Variants in MYOM1 observed in about 807,000 individuals in gnomAD.
The protein encoded by MYOM1 is myomesin 1, also known as myomesin-1.
MYOM1 carries 164 observed loss-of-function variants against 205.3 expected under a neutral mutation model. That is an observed-to-expected ratio of 0.80 (90% CI 0.70 to 0.91). The LOEUF (loss-of-function observed/expected upper bound fraction) is 0.91, where lower values mean the gene tolerates loss of function less well. Among genes scored for constraint, MYOM1 ranks in the 40% least tolerant of loss-of-function variants. MYOM1 has a pLI of 0.00. For synonymous variants in MYOM1, 772 were observed against 789.4 expected (o/e 0.98, Z 0.37); for missense variants, 2,011 against 2,127.3 (o/e 0.95, Z 1.08).
Position 3,129,296 on chromosome 18 carries a change from T to G in MYOM1, c.2730A>C (p.Pro910=), listed in dbSNP as rs766342011. 6.2e-7 allele frequency: 1 copy of G among 1,614,018 alleles called. No homozygotes were observed. Among genetic ancestry groups the G allele is most frequent in the South Asian group, 1.1e-5 (1 of 91,090 alleles). ...SETVQEELTP[P]PQKAAPQGKS... Reference sequence around the variant, plus strand: ...TCCCCTGAGGAGCCGCTTTCTGTGGTGGCGGGGTAAGCTCTTCCTGAACTG... The same window carrying G: ...TCCCCTGAGGAGCCGCTTTCTGTGGGGGCGGGGTAAGCTCTTCCTGAACTG... Residue 910 remains proline (P), a synonymous_variant, in exon 18 of 38, where the codon CCA becomes CCC. Transcript: ENST00000356443.
chr18:3,085,917 T>C (rs1422799067), intron 30 of MYOM1, 121 bp downstream of exon 30: 2 of 615,412 alleles, frequency 3.2e-6, no homozygotes, highest in African/African-American at 3.7e-5. Context: ...CCTACAGCAG[T>C]TGGAAGTAAG....
chr18:3,165,944 A>C (rs1270735668), intron 9 of MYOM1, among the ~76,000 whole-genome samples: 1 of 152,190 alleles, frequency 6.6e-6, no homozygotes, highest in Non-Finnish European at 1.5e-5. Flanking sequence ...TCATGTGCAC[A>C]ACTGAAGACC....
chr18:3,135,527 A>T lies in MYOM1; in HGVS notation c.2209+20T>A. ...CTTTGAAATTTTCTCTTGAAGTAAA[A>T]GAAGTTTACAGTTGCTTACCAAGTT... On this transcript the variant is annotated intron_variant, in intron 15 of 37. Transcript: ENST00000356443. The surrounding 1 kb of genome is among the most constrained non-coding windows in gnomAD (Gnocchi z 4.1). The T allele has an allele frequency of 6.2e-7, 1 of 1,604,022 alleles. No homozygotes were observed. Among genetic ancestry groups the T allele is most frequent in the South Asian group, 1.1e-5 (1 of 89,988 alleles).
At chr18:3,159,301 A>G in intron 10 of MYOM1, among the ~76,000 whole-genome samples, 1 of 152,220 alleles carries the variant, frequency 6.6e-6, no homozygotes, top group East Asian at 1.9e-4. Context: ...CTGCAGACAT[A>G]TGGTGCTTTA....
chr18:3,207,470 T>C (rs558133449), intron 2 of MYOM1, among the ~76,000 whole-genome samples: 85 of 152,348 alleles, frequency 5.6e-4, no homozygotes, highest in African/African-American at 2.0e-3. Flanking sequence ...CAGGTCTTAT[T>C]AACTTATTTA....
intron 8 of MYOM1, among the ~76,000 whole-genome samples, chr18:3,172,804 C>T (rs577728057): frequency 6.6e-6 from 1 of 152,352 alleles, no homozygotes; most frequent in African/African-American, 2.4e-5. Context: ...AGCCACCGTG[C>T]CTGGCCCCAA....
At chr18:3,109,191 C>A (rs1228694566) in intron 22 of MYOM1, among the ~76,000 whole-genome samples, 2 of 151,792 alleles carry the variant, frequency 1.3e-5, no homozygotes, top group Non-Finnish European at 2.9e-5. Flanking sequence ...CCATGTTGGC[C>A]AGGCTAGTCT....
Position 3,179,069 on chromosome 18 carries a change from A to G in MYOM1, c.930-2935T>C, listed in dbSNP as rs2080691078. On this transcript the variant is annotated intron_variant, in intron 5 of 37. Coordinates refer to ENST00000356443, the MANE Select transcript of MYOM1 (RefSeq NM_003803.4). The surrounding 1 kb of genome is among the most constrained non-coding windows in gnomAD (Gnocchi z 4.4). Reference sequence around the variant, plus strand: ...TTTTTTGTAGAGACAGGCTCTTGCTATGTTGCCTATGCTGGTCTTAAACTC... The same window carrying G: ...TTTTTTGTAGAGACAGGCTCTTGCTGTGTTGCCTATGCTGGTCTTAAACTC... Among the ~76,000 whole-genome samples the G allele has an allele frequency of 6.6e-6, 1 of 151,922 alleles. No individual in the cohort carries two copies. The highest frequency in any genetic ancestry group is 1.5e-5 in the Non-Finnish European group (1 of 67,994).
upstream of MYOM1, among the ~76,000 whole-genome samples, chr18:3,222,981 C>T (rs1346333991): frequency 2.0e-5 from 3 of 152,102 alleles, no homozygotes; most frequent in African/African-American, 7.2e-5. Context: ...TCCTCAGCCT[C>T]AAGCAATTCT....
intron 20 of MYOM1, among the ~76,000 whole-genome samples, chr18:3,118,466 G>C (rs1275786839): frequency 3.9e-5 from 6 of 152,010 alleles, no homozygotes. Flanking sequence ...CTGAGTAGCT[G>C]GGACTACAGG....
In MYOM1 at chr18:3,100,331, A is replaced by G. The variant is rs2079359848; in HGVS notation, c.3671T>C (p.Ile1224Thr). Residue 1224 changes from isoleucine (I) to threonine (T), a missense_variant, in exon 24 of 38, where the codon ATA (isoleucine) becomes ACA (threonine). Transcript: ENST00000356443. ...GATTTTAAACTTACCTTCCTCATCT[A>G]TTAAGTAGCTTGATGCTATTCCATC... ...DTDGIASSYL[I>T]DEEELKRLLA... 2 of 1,613,670 alleles carry G rather than the reference A, an allele frequency of 1.2e-6. No individual in the cohort carries two copies. Among genetic ancestry groups the G allele is most frequent in the African/African-American group, 1.3e-5 (1 of 74,934 alleles).
Position 3,142,003 on chromosome 18 carries a change from A to G in MYOM1, c.1961T>C (p.Val654Ala). The change falls in exon 14 of 38, where the codon GTG (valine) becomes GCG (alanine). Residue 654 changes from valine to alanine, a missense_variant. Physicochemically the swap from Val to Ala is moderately conservative, Grantham distance 64. Transcript: ENST00000356443. ...LSVTEATRSYVVLSWKPPGQR... is the reference protein window; with the variant it reads ...LSVTEATRSYAVLSWKPPGQR... Reference sequence around the variant, plus strand: ...GCCAGGGGGCTTCCAGCTGAGCACCACATAGCTCCGGGTGGCCTCAGTGAC... The same window carrying G: ...GCCAGGGGGCTTCCAGCTGAGCACCGCATAGCTCCGGGTGGCCTCAGTGAC... 6.2e-7 allele frequency: 1 copy of G among 1,613,914 alleles called. No individual in the cohort carries two copies. The highest frequency in any genetic ancestry group is 8.5e-7 in the Non-Finnish European group (1 of 1,179,856).
intron 5 of MYOM1, among the ~76,000 whole-genome samples, chr18:3,182,897 C>T (rs187885504): frequency 1.6e-3 from 232 of 144,438 alleles, no homozygotes; most frequent in African/African-American, 5.6e-3. Context: ...TCCTCTGCAA[C>T]TAACTTTTCT....
At chr18:3,184,987 T>C (rs2080790557) in intron 5 of MYOM1, among the ~76,000 whole-genome samples, 1 of 152,268 alleles carries the variant, frequency 6.6e-6, no homozygotes, top group Admixed American at 6.5e-5. Flanking sequence ...TACTGCTTCT[T>C]AGCTCTGTTA....
rs552574667 is a variant in MYOM1 at position 3,152,153 on chromosome 18, A to G, written c.1644-260T>C. On this transcript the variant is annotated intron_variant, in intron 11 of 37. Transcript: ENST00000356443. This position sits in a 1 kb window ranked among gnomAD's most constrained non-coding sequence, Gnocchi z 4.3. The stretch of plus-strand genomic sequence containing the variant: ...GGCATCTGAGGGGCCTTGTGTAGAA[A>G]GCAGAGGGGTTTGGGGGTTGCTGGG... 1.3e-3 allele frequency among the ~76,000 whole-genome samples: 203 copies of G among 152,270 alleles called. 2 individuals are homozygous for G. The highest frequency in any genetic ancestry group is 4.6e-3 in the African/African-American group (192 of 41,550).
chr18:3,069,381 A>G (rs2078935456), intron 37 of MYOM1, among the ~76,000 whole-genome samples: 1 of 152,220 alleles, frequency 6.6e-6, no homozygotes, highest in Non-Finnish European at 1.5e-5. Context: ...GTGATAAGGA[A>G]AGAACTAGGG....
In MYOM1 at chr18:3,197,534, A is replaced by G. The variant is rs146872043; in HGVS notation, c.291-3576T>C. ...AATAGTCTAATTTTATGAAACATTC[A>G]ATCAATAGAAAAATACTAAAGACCA... On this transcript the variant is annotated intron_variant, in intron 2 of 37. Transcript: ENST00000356443. 4.3e-4 allele frequency among the ~76,000 whole-genome samples: 65 copies of G among 152,340 alleles called. 1 individual carries two copies. Among genetic ancestry groups the G allele is most frequent in the East Asian group, 3.9e-3 (20 of 5,184 alleles).
intron 2 of MYOM1, among the ~76,000 whole-genome samples, chr18:3,194,426 A>G (rs6506083): frequency 0.54 from 82,487 of 152,044 alleles, 23,596 homozygotes; most frequent in African/African-American, 0.74. Context: ...ATTATAGGCA[A>G]CTCCTGCCTT....
chr18:3,183,600 T>C (rs1319797743), intron 5 of MYOM1, among the ~76,000 whole-genome samples: 1 of 152,184 alleles, frequency 6.6e-6, no homozygotes. Flanking sequence ...ACATAACTGC[T>C]ATGAGTGGAG....
Sources: allele counts gnomAD v4.1 joint callset (sites outside exome capture counted in the v4.1 genomes callset), GRCh38; gene constraint gnomAD v4.1.1; non-coding constraint Gnocchi (gnomAD v3.1); transcripts MANE v1.5; gene names NCBI Gene and HGNC (gene_info 2026-07-23, HGNC 2026-07-21).